Variants in SMARCD3 observed in about 807,000 individuals in gnomAD.
SMARCD3 encodes SWI/SNF-related matrix-associated actin-dependent regulator of chromatin subfamily D member 3.
SMARCD3 carries 14 observed loss-of-function variants against 58.0 expected under a neutral mutation model. The ratio of observed to expected loss-of-function variants is 0.24; its 90% CI spans 0.16 to 0.38. SMARCD3 has a LOEUF of 0.38. Ranked by LOEUF, SMARCD3 falls within the 10% of genes least tolerant of loss-of-function variation. The pLI, the probability that SMARCD3 is intolerant of heterozygous loss-of-function variation, is 1.00. For missense variants in SMARCD3, 408 were observed against 636.9 expected, an observed-to-expected ratio of 0.64 and a Z score of 3.87; for synonymous variants, 253 against 253.8, an observed-to-expected ratio of 1.00 and a Z score of 0.03.
Position 151,246,208 on chromosome 7 carries a change from C to T in SMARCD3, c.79-537G>A, listed in dbSNP as rs1395787957. 1 of 153,202 alleles carries T rather than the reference C, an allele frequency of 6.5e-6. No individual in the cohort carries two copies. The highest frequency in any genetic ancestry group is 1.5e-5 in the Non-Finnish European group (1 of 68,866). The allele number at this position is 153,202 out of a possible 1,614,324, so 9.5% of individuals were successfully genotyped here. On this transcript the variant is annotated intron_variant, in intron 1 of 12. Transcript: ENST00000262188. This position sits in a 1 kb window ranked among gnomAD's most constrained non-coding sequence, Gnocchi z 4.4. ...GGTACCCGGCTCCCTGCTCCGACTT[C>T]TGCTCCTCCTCCTGCTCCTCCTTCT...
chr7:151,264,782 C>A (rs943565893), intron 2 of SMARCD3, among the ~76,000 whole-genome samples: 2 of 152,172 alleles, frequency 1.3e-5, no homozygotes, highest in Non-Finnish European at 2.9e-5. Flanking sequence ...GGAGGGGGAG[C>A]AGACCGTGGG....
At chr7:151,272,836 C>T (rs1000075118) in intron 2 of SMARCD3, among the ~76,000 whole-genome samples, 6 of 152,172 alleles carry the variant, frequency 3.9e-5, no homozygotes, top group South Asian at 2.1e-4. Flanking sequence ...CAGAGGCAGG[C>T]GGTGGCCTCA....
chr7:151,270,064 G>A (rs1015637834), intron 2 of SMARCD3, among the ~76,000 whole-genome samples: 8 of 152,182 alleles, frequency 5.3e-5, no homozygotes, highest in East Asian at 1.9e-4. Flanking sequence ...GAGCCTGTGC[G>A]AAAGCTGCCT....
At chr7:151,240,810 G>A (rs891772279) in intron 8 of SMARCD3, 1 of 427,046 alleles carries the variant, frequency 2.3e-6, no homozygotes, top group Non-Finnish European at 4.3e-6. Flanking sequence ...CCTGGAGCAA[G>A]TTAACACCTC....
chr7:151,263,732 C>T (rs1338073711), intron 2 of SMARCD3, among the ~76,000 whole-genome samples: 1 of 152,208 alleles, frequency 6.6e-6, no homozygotes, highest in African/African-American at 2.4e-5. Flanking sequence ...AGGCCGGCAC[C>T]ATCTTTCTTC....
rs1353749526 is a variant in SMARCD3 at position 151,243,130 on chromosome 7, T to C, written c.334-287A>G. Among the ~76,000 whole-genome samples, 1 of 152,142 alleles carries C rather than the reference T, an allele frequency of 6.6e-6. No individual in the cohort carries two copies. The highest frequency in any genetic ancestry group is 2.4e-5 in the African/African-American group (1 of 41,432). ...GGTGGAGCTCAGCAAGCACTAGCCT[T>C]TAGTCTCCTCATCTTGTCATTGTCC... On this transcript the variant is annotated intron_variant, in intron 3 of 12. Coordinates refer to ENST00000262188, the MANE Select transcript of SMARCD3 (RefSeq NM_001003801.2). This position sits in a 1 kb window ranked among gnomAD's most constrained non-coding sequence, Gnocchi z 4.4.
At chr7:151,256,287 C>G (rs965021977) in intron 2 of SMARCD3, among the ~76,000 whole-genome samples, 1 of 152,010 alleles carries the variant, frequency 6.6e-6, no homozygotes. Context: ...TCTTGTGCCT[C>G]GGCCTCCTGA....
rs148767924 is a variant in SMARCD3, at chr7:151,267,423, G to A, written c.39+7691C>T. Among the ~76,000 whole-genome samples, 752 of 152,324 alleles carry A rather than the reference G, an allele frequency of 4.9e-3. 11 individuals carry two copies. Among genetic ancestry groups the A allele is most frequent in the African/African-American group, 0.017 (709 of 41,578 alleles). On this transcript the variant is annotated intron_variant, in intron 2 of 13. Transcript: ENST00000356800. ...TGATCATAAGGTCCGTGTTCTTTCTGAGTCACTATCTGACTGCTCCCCCAT... is the reference window on the plus strand; with the variant it reads ...TGATCATAAGGTCCGTGTTCTTTCTAAGTCACTATCTGACTGCTCCCCCAT...
At chr7:151,268,648 C>G (rs1448376208) in intron 2 of SMARCD3, among the ~76,000 whole-genome samples, 1 of 152,176 alleles carries the variant, frequency 6.6e-6, no homozygotes, top group Non-Finnish European at 1.5e-5. Context: ...TTGCCCTGAC[C>G]ACTGGGAAAG....
At chr7:151,276,159 C>T (rs1795335052) in intron 1 of SMARCD3, among the ~76,000 whole-genome samples, 1 of 149,230 alleles carries the variant, frequency 6.7e-6, no homozygotes, top group Non-Finnish European at 1.5e-5. Context: ...GGGAGGTGCC[C>T]TGCAAGAAGG....
intron 2 of SMARCD3, chr7:151,274,969 C>G: frequency 1.5e-6 from 1 of 648,700 alleles, no homozygotes; most frequent in Non-Finnish European, 2.8e-6. Flanking sequence ...GACAGAGAGG[C>G]CCTGCCATGG....
chr7:151,258,842 C>T (rs1442651896), intron 2 of SMARCD3, among the ~76,000 whole-genome samples: 1 of 152,118 alleles, frequency 6.6e-6, no homozygotes, highest in African/African-American at 2.4e-5. Context: ...TGGCAATCTA[C>T]ATGGCGGACT....
intron 2 of SMARCD3, among the ~76,000 whole-genome samples, chr7:151,266,276 T>C (rs1293613897): frequency 6.6e-6 from 1 of 152,096 alleles, no homozygotes; most frequent in Admixed American, 6.6e-5. Flanking sequence ...GGCCATTTTT[T>C]TTTTTCTACT....
At chr7:151,259,607 T>TTTTG (rs1794209961) in intron 2 of SMARCD3, among the ~76,000 whole-genome samples, 2 of 110,052 alleles carry the variant, frequency 1.8e-5, no homozygotes, top group African/African-American at 4.9e-5. Flanking sequence ...GAGAGTTTTT[T>TTTTG]TTTTTTTTTT....
At chr7:151,252,418 TGA>T (rs953114041), upstream of SMARCD3, among the ~76,000 whole-genome samples, 20 of 121,400 alleles carry the variant, frequency 1.6e-4, no homozygotes, top group East Asian at 5.9e-4. Flanking sequence ...GCGGCCTGAG[TGA>T]GTGTGTGTGT....
chr7:151,267,053 G>A (rs144402944), intron 2 of SMARCD3, among the ~76,000 whole-genome samples: 5 of 152,256 alleles, frequency 3.3e-5, no homozygotes, highest in South Asian at 2.1e-4. Flanking sequence ...GATACAAACC[G>A]GAGTTCTGCT....
rs1803219104 is a variant in SMARCD3 at position 151,245,584 on chromosome 7, C to T, written c.166G>A (p.Val56Met). ...PGSPYMGSPA[V>M]RPGLAPAGME... Reference sequence around the variant, plus strand: ...CCCGCGGGGGCCAGGCCGGGTCGCACGGCGGGGCTGCCCATGTACGGGGAG... The same window carrying T: ...CCCGCGGGGGCCAGGCCGGGTCGCATGGCGGGGCTGCCCATGTACGGGGAG... Residue 56 changes from valine (V) to methionine (M), a missense_variant, in exon 2 of 13, where the codon GTG (valine) becomes ATG (methionine). Physicochemically the swap from Val to Met is conservative, Grantham distance 21. This residue lies in a region of SMARCD3 where 84 missense variants were observed against 81.2 expected (regional missense o/e 1.03). Coordinates refer to ENST00000262188, the MANE Select transcript of SMARCD3 (RefSeq NM_001003801.2). This position sits in a 1 kb window ranked among gnomAD's most constrained non-coding sequence, Gnocchi z 6.2. The T allele has an allele frequency of 3.4e-6, 4 of 1,164,626 alleles. No homozygotes were observed. The highest frequency in any genetic ancestry group is 1.6e-5 in the African/African-American group (1 of 63,022). 72.1% of individuals were successfully genotyped at this position (1,164,626 alleles called of 1,614,324 possible).
At chr7:151,240,395 G>C in intron 9 of SMARCD3, 30 bp downstream of exon 9, 1 of 1,595,156 alleles carries the variant, frequency 6.3e-7, no homozygotes, top group Non-Finnish European at 8.6e-7. Flanking sequence ...ATCATTCCCT[G>C]GTCTGAGAAG....
chr7:151,251,286 CA>C (rs1354311496), upstream of SMARCD3, among the ~76,000 whole-genome samples: 2 of 152,078 alleles, frequency 1.3e-5, no homozygotes, highest in African/African-American at 4.8e-5. Flanking sequence ...TGTACACAGA[CA>C]ATAGATACAC....
Sources: gnomAD v4.1 joint callset for allele counts (sites outside exome capture counted in the v4.1 genomes callset) on GRCh38, gnomAD v4.1.1 for gene constraint, gnomAD v4.1.1 regional missense constraint, Gnocchi (gnomAD v3.1) non-coding constraint, MANE v1.5 for transcripts, NCBI Gene and HGNC (gene_info 2026-07-23, HGNC 2026-07-21) for gene names.